The following FRMD5 variants were observed in gnomAD, a reference collection of about 807,000 sequenced individuals.
The protein encoded by FRMD5 is FERM domain containing 5.
FRMD5 carries 20 observed loss-of-function variants against 69.0 expected under a neutral mutation model. That is an observed-to-expected ratio of 0.29 (90% CI 0.20 to 0.42). FRMD5 has a LOEUF of 0.42. FRMD5 is among the 10% of genes least tolerant of loss of function. FRMD5 has a pLI of 1.00. For synonymous variants in FRMD5, 271 were observed against 260.1 expected (o/e 1.04, Z -0.40); for missense variants, 595 against 708.6 (o/e 0.84, Z 1.82).
intron 7 of FRMD5, among the ~76,000 whole-genome samples, chr15:43,896,104 AATG>A (rs2088904993): frequency 6.6e-6 from 1 of 152,186 alleles, no homozygotes; most frequent in African/African-American, 2.4e-5. Flanking sequence ...CTGAGCCATT[AATG>A]GAGTCGGGAG....
chr15:44,189,065 A>G (rs924494517), intron 1 of FRMD5, among the ~76,000 whole-genome samples: 1 of 152,188 alleles, frequency 6.6e-6, no homozygotes, highest in African/African-American at 2.4e-5. Flanking sequence ...CTTCATGAGC[A>G]TGGCACGGAA....
chr15:44,011,103 T>C (rs1890697810), intron 1 of FRMD5, among the ~76,000 whole-genome samples: 1 of 151,208 alleles, frequency 6.6e-6, no homozygotes, highest in Non-Finnish European at 1.5e-5. Flanking sequence ...GCTTGGTGGA[T>C]TAAGGAAAGA....
chr15:44,140,229 A>G (rs2077248756), intron 1 of FRMD5, among the ~76,000 whole-genome samples: 1 of 152,176 alleles, frequency 6.6e-6, no homozygotes, highest in African/African-American at 2.4e-5. Flanking sequence ...TACTAATCAC[A>G]TTATGCACAA....
intron 1 of FRMD5, among the ~76,000 whole-genome samples, chr15:44,062,350 C>T (rs968854789): frequency 1.3e-5 from 2 of 152,092 alleles, no homozygotes; most frequent in African/African-American, 4.8e-5. Flanking sequence ...AATATTAAAA[C>T]TAGAAGACAC....
chr15:43,963,140 GT>G (rs1360214914), intron 1 of FRMD5, among the ~76,000 whole-genome samples: 1 of 152,022 alleles, frequency 6.6e-6, no homozygotes, highest in African/African-American at 2.4e-5. Flanking sequence ...TGGGAGAAAA[GT>G]TTTGCAACCT....
At chr15:43,956,072 T>C (rs1220364226) in intron 1 of FRMD5, among the ~76,000 whole-genome samples, 2 of 152,246 alleles carry the variant, frequency 1.3e-5, no homozygotes, top group Non-Finnish European at 2.9e-5. Flanking sequence ...AATTTGAATA[T>C]GATTCTATCA....
rs147430673 is a variant in FRMD5 at position 43,907,612 on chromosome 15, C to T, written c.428-1661G>A. Among the ~76,000 whole-genome samples the T allele has an allele frequency of 1.8e-4, 27 of 151,944 alleles. No individual in the cohort carries two copies. The East Asian group carries it at 4.6e-3, about 26-fold the overall frequency. On this transcript the variant is annotated intron_variant, in intron 5 of 13. Transcript: ENST00000417257. ...CGATCTCAGCTCACTGCAGACTCCG[C>T]CTCCCAGGTTGAAGCTTCCCAAGTA... is the stretch of plus-strand genomic sequence containing the variant.
rs1474135083 is a variant in FRMD5 at position 44,017,636 on chromosome 15, T to A, written c.103-93327A>T. The stretch of plus-strand genomic sequence containing the variant: ...TTTCTTTTTTTTTTTTTTTTGAGAC[T>A]GGCTCTGTGGCCCAGCCTGGAGTGC... On this transcript the variant is annotated intron_variant, in intron 1 of 13. Coordinates refer to ENST00000417257, the MANE Select transcript of FRMD5 (RefSeq NM_032892.5). Among the ~76,000 whole-genome samples the A allele has an allele frequency of 2.7e-5, 4 of 149,332 alleles. No individual in the cohort carries two copies. The East Asian group carries it at 7.8e-4, about 29-fold the overall frequency.
intron 1 of FRMD5, among the ~76,000 whole-genome samples, chr15:43,994,906 C>G (rs1318648547): frequency 6.6e-6 from 1 of 152,194 alleles, no homozygotes; most frequent in East Asian, 1.9e-4. Flanking sequence ...GAACTCCGTT[C>G]AGCCGTTTTC....
chr15:44,172,069 T>G (rs1437152375), intron 1 of FRMD5, among the ~76,000 whole-genome samples: 3 of 151,110 alleles, frequency 2.0e-5, no homozygotes, highest in Non-Finnish European at 4.4e-5. Flanking sequence ...CAGCCTCTGC[T>G]GGCTTTTAAC....
At chr15:43,960,807 CA>C (rs2140539094) in intron 1 of FRMD5, among the ~76,000 whole-genome samples, 1 of 152,096 alleles carries the variant, frequency 6.6e-6, no homozygotes, top group South Asian at 2.1e-4. Context: ...AGTAGAAAAA[CA>C]AATGTAATTT....
chr15:43,989,169 C>T (rs1889543467), intron 1 of FRMD5: 10 of 888,370 alleles, frequency 1.1e-5, no homozygotes, highest in Non-Finnish European at 1.7e-5. Flanking sequence ...AGCTGCCGAT[C>T]CACACGGAGT....
At chr15:43,944,136 C>A (rs188606506) in intron 1 of FRMD5, among the ~76,000 whole-genome samples, 4 of 152,278 alleles carry the variant, frequency 2.6e-5, no homozygotes, top group Admixed American at 2.6e-4. Flanking sequence ...AAATTTATTT[C>A]TTACAATTAT....
chr15:44,163,002 G>A (rs745665656), intron 1 of FRMD5, among the ~76,000 whole-genome samples: 3 of 150,914 alleles, frequency 2.0e-5, no homozygotes, highest in Middle Eastern at 3.2e-3. Flanking sequence ...GTGAAACCCC[G>A]TCTCTACTAA....
chr15:43,874,113 A>C lies in FRMD5; in HGVS notation c.1485T>G (p.Asn495Lys). The C allele has an allele frequency of 1.2e-6, 2 of 1,614,180 alleles. No individual in the cohort carries two copies. The highest frequency in any genetic ancestry group is 1.7e-6 in the Non-Finnish European group (2 of 1,180,028). The change falls in exon 14 of 14, where the codon AAT becomes AAG. Residue 495 changes from asparagine (N) to lysine (K), a missense_variant. Physicochemically the swap from Asn to Lys is moderately conservative, Grantham distance 94. Around this residue, in one of 5 missense-constraint regions of FRMD5, gnomAD observed 245 missense variants for 227.1 expected, o/e 1.08. Transcript: ENST00000417257. The stretch of plus-strand genomic sequence containing the variant: ...AACGGAGGACACTTAGAACAAACTT[A>C]TTCACCTGTTCCTCCTCGGGCCCGC... ...GHSGPEEEQV[N>K]KFVLSVLRLL...
At chr15:43,911,276 A>C (rs2089283008) in intron 4 of FRMD5, among the ~76,000 whole-genome samples, 1 of 152,214 alleles carries the variant, frequency 6.6e-6, no homozygotes, top group African/African-American at 2.4e-5. Flanking sequence ...TTGGTGACTC[A>C]CTTCTATCAA....
chr15:43,957,397 A>G (rs1003189089), intron 1 of FRMD5, among the ~76,000 whole-genome samples: 1 of 152,192 alleles, frequency 6.6e-6, no homozygotes, highest in African/African-American at 2.4e-5. Context: ...GGATTTCACC[A>G]TGTTGGCCAG....
chr15:44,128,870 G>GC (rs1286031082), intron 1 of FRMD5, among the ~76,000 whole-genome samples: 1 of 152,118 alleles, frequency 6.6e-6, no homozygotes, highest in Non-Finnish European at 1.5e-5. Context: ...AACACAGAAT[G>GC]ATGTGGTACG....
intron 5 of FRMD5, among the ~76,000 whole-genome samples, chr15:43,908,252 C>G (rs1343552142): frequency 6.7e-6 from 1 of 149,224 alleles, no homozygotes; most frequent in Non-Finnish European, 1.5e-5. Context: ...CACTTGAACC[C>G]AGGAGGTGGA....
Sources: gnomAD v4.1 joint callset for allele counts (sites outside exome capture counted in the v4.1 genomes callset) on GRCh38, gnomAD v4.1.1 for gene constraint, gnomAD v4.1.1 regional missense constraint, MANE v1.5 for transcripts, NCBI Gene and HGNC (gene_info 2026-07-23, HGNC 2026-07-21) for gene names.